FBXL20: variants seen among roughly 807,000 people sequenced by gnomAD.
The protein encoded by FBXL20 is F-box/LRR-repeat protein 20.
A neutral mutation model predicts 64.0 loss-of-function variants in FBXL20; 11 were observed. The ratio of observed to expected loss-of-function variants is 0.17; its 90% CI spans 0.11 to 0.28. The LOEUF (loss-of-function observed/expected upper bound fraction) is 0.28. Among genes scored for constraint, FBXL20 ranks in the 10% least tolerant of loss-of-function variants. FBXL20 has a pLI of 1.00. For synonymous variants in FBXL20, 184 were observed against 189.0 expected (o/e 0.97, Z 0.22); for missense variants, 303 against 526.2 (o/e 0.58, Z 4.15).
At chr17:39,328,248 C>CAAAAAA (rs141259755) in intron 2 of FBXL20, among the ~76,000 whole-genome samples, 2 of 55,100 alleles carry the variant, frequency 3.6e-5, no homozygotes, top group African/African-American at 1.0e-4. Context: ...AACTCTGCCT[C>CAAAAAA]AAAAAAAAAA....
chr17:39,316,197 G>A (rs951923665), intron 2 of FBXL20, among the ~76,000 whole-genome samples: 2 of 152,080 alleles, frequency 1.3e-5, no homozygotes, highest in South Asian at 4.1e-4. Context: ...ATTGGAATTG[G>A]AAATATCAGT....
chr17:39,287,949 T>C (rs1228866043), intron 6 of FBXL20, among the ~76,000 whole-genome samples: 1 of 151,474 alleles, frequency 6.6e-6, no homozygotes, highest in Non-Finnish European at 1.5e-5. Flanking sequence ...GGTTTTACTT[T>C]ACAATTCTGT....
At chr17:39,278,451 C>T (rs1448464441) in intron 9 of FBXL20, among the ~76,000 whole-genome samples, 1 of 151,376 alleles carries the variant, frequency 6.6e-6, no homozygotes, top group Non-Finnish European at 1.5e-5. Context: ...CACATACACA[C>T]GAAGCTCTCC....
intron 3 of FBXL20, among the ~76,000 whole-genome samples, chr17:39,303,259 AT>A (rs1355500852): frequency 6.6e-6 from 1 of 151,964 alleles, no homozygotes; most frequent in African/African-American, 2.4e-5. Context: ...AAAAAAAAAA[AT>A]GAACTAGGAA....
intron 6 of FBXL20, among the ~76,000 whole-genome samples, chr17:39,287,413 T>A (rs989598872): frequency 5.9e-5 from 9 of 152,108 alleles, no homozygotes; most frequent in Admixed American, 2.0e-4. Context: ...ATTTCCTTTT[T>A]CTTTTTTTGT....
intron 4 of FBXL20, 129 bp from the exon 5 acceptor site, chr17:39,299,213 T>C (rs2047112761): frequency 3.1e-6 from 2 of 646,166 alleles, no homozygotes; most frequent in East Asian, 5.7e-5. Context: ...AATAGGAAAA[T>C]TGTAACTTAC....
At chr17:39,381,417 T>C (rs1340333363) in intron 1 of FBXL20, among the ~76,000 whole-genome samples, 1 of 149,054 alleles carries the variant, frequency 6.7e-6, no homozygotes, top group Admixed American at 6.8e-5. Context: ...GAGGCAGAGG[T>C]TGCAGTGAGA....
At chr17:39,304,311 A>G (rs1160286412) in intron 2 of FBXL20, among the ~76,000 whole-genome samples, 3 of 152,134 alleles carry the variant, frequency 2.0e-5, no homozygotes, top group Non-Finnish European at 4.4e-5. Flanking sequence ...GTCTGAAGAC[A>G]GGGTTTCACT....
chr17:39,371,006 T>C (rs996300930), intron 1 of FBXL20, among the ~76,000 whole-genome samples: 4 of 151,240 alleles, frequency 2.6e-5, no homozygotes, highest in African/African-American at 9.7e-5. Context: ...ATCACCTGAG[T>C]TTGGGAGTTC....
In FBXL20 at chr17:39,252,821, T is replaced by C. The variant is rs1169885943; in HGVS notation, c.*8639A>G. ...TTTTAAAGCAAAAGGAATCCTCTAC[T>C]GCCACCTCGGATTTTATTTATTTTA... is the stretch of plus-strand genomic sequence containing the variant. On this transcript the variant is annotated 3_prime_UTR_variant, in exon 15 of 15. Coordinates refer to ENST00000264658, the MANE Select transcript of FBXL20 (RefSeq NM_032875.3). 2 of 151,660 alleles carry C rather than the reference T, an allele frequency of 1.3e-5. No homozygotes were observed. The highest frequency in any genetic ancestry group is 2.9e-5 in the Non-Finnish European group (2 of 67,972). 9.4% of individuals were successfully genotyped at this position (151,660 alleles called of 1,614,324 possible). A position where few individuals can be genotyped will look rare whatever the true frequency, so the allele number is the denominator to read the frequency against.
chr17:39,275,645 A>C (rs1163849961), intron 9 of FBXL20, among the ~76,000 whole-genome samples: 1 of 151,842 alleles, frequency 6.6e-6, no homozygotes, highest in Non-Finnish European at 1.5e-5. Flanking sequence ...CCTGGCCTCA[A>C]GTGATCTGCC....
At chr17:39,331,313 C>A (rs963715613) in intron 2 of FBXL20, among the ~76,000 whole-genome samples, 9 of 152,154 alleles carry the variant, frequency 5.9e-5, no homozygotes, top group African/African-American at 2.2e-4. Context: ...GTTAGTCAGG[C>A]TGGTCTCGAA....
Position 39,258,375 on chromosome 17 carries a change from AT to A in FBXL20, c.*3084del, listed in dbSNP as rs1228091239. The A allele has an allele frequency of 6.6e-6, 1 of 152,188 alleles. No homozygotes were observed. Among genetic ancestry groups the A allele is most frequent in the Admixed American group, 6.5e-5 (1 of 15,268 alleles). 9.4% of individuals were successfully genotyped at this position (152,188 alleles called of 1,614,324 possible). The stretch of plus-strand genomic sequence containing the variant: ...GTAGGCTGCAAATCAGCATAAAAAA[AT>A]GTATTTCCTTCCAAGCTTGATAGGC... On this transcript the variant is annotated 3_prime_UTR_variant, in exon 15 of 15. Transcript: ENST00000264658.
chr17:39,348,042 A>G (rs898994940), intron 1 of FBXL20, among the ~76,000 whole-genome samples: 1 of 151,674 alleles, frequency 6.6e-6, no homozygotes, highest in Non-Finnish European at 1.5e-5. Flanking sequence ...GCAGTCTTTC[A>G]AAACTAAACC....
intron 6 of FBXL20, among the ~76,000 whole-genome samples, chr17:39,295,545 G>A (rs1018205709): frequency 1.3e-5 from 2 of 152,060 alleles, no homozygotes; most frequent in African/African-American, 2.4e-5. Flanking sequence ...CTGAGTCACC[G>A]CACTGGGCTG....
At chr17:39,295,719 A>C (rs2047077888) in intron 6 of FBXL20, among the ~76,000 whole-genome samples, 1 of 150,510 alleles carries the variant, frequency 6.6e-6, no homozygotes, top group Non-Finnish European at 1.5e-5. Context: ...CATATAAGTA[A>C]CTATTTTTAC....
intron 1 of FBXL20, among the ~76,000 whole-genome samples, chr17:39,394,278 C>CT (rs529406292): frequency 0.23 from 30,789 of 134,290 alleles, 4,375 homozygotes; most frequent in African/African-American, 0.39. Context: ...ATTACTGAAA[C>CT]TTTTTTTTTT....
intron 2 of FBXL20, among the ~76,000 whole-genome samples, chr17:39,319,411 G>A (rs2047328339): frequency 6.6e-6 from 1 of 152,124 alleles, no homozygotes; most frequent in African/African-American, 2.4e-5. Context: ...GCAGGGCTGG[G>A]CACGGTGGCT....
At chr17:39,348,631 T>C (rs532021523) in intron 1 of FBXL20, among the ~76,000 whole-genome samples, 1 of 152,270 alleles carries the variant, frequency 6.6e-6, no homozygotes, top group African/African-American at 2.4e-5. Flanking sequence ...GTTTCAAAGA[T>C]ACTATGTCAC....
Sources: allele counts gnomAD v4.1 joint callset (sites outside exome capture counted in the v4.1 genomes callset), GRCh38; gene constraint gnomAD v4.1.1; transcripts MANE v1.5; gene names NCBI Gene and HGNC (gene_info 2026-07-23, HGNC 2026-07-21).